Variants in GTF2F2 observed in about 807,000 individuals in gnomAD.
GTF2F2 encodes the protein general transcription factor IIF subunit 2, also known as ATP-dependent helicase GTF2F2.
A neutral mutation model predicts 42.2 loss-of-function variants in GTF2F2; 23 were observed. The observed-to-expected ratio is 0.55, with a 90% CI of 0.39 to 0.77. GTF2F2 has a LOEUF of 0.77. Ranked by LOEUF, GTF2F2 falls within the 30% of genes least tolerant of loss-of-function variation. The probability of loss-of-function intolerance (pLI) is 0.00; values close to 1 mark genes in which losing one functional copy is unlikely to be tolerated. For missense variants in GTF2F2, 261 were observed against 287.2 expected (o/e 0.91, Z 0.66); for synonymous variants, 105 against 100.8 (o/e 1.04, Z -0.25).
chr13:45,245,708 CAT>C (rs1230450097), intron 5 of GTF2F2, among the ~76,000 whole-genome samples: 5 of 66,024 alleles, frequency 7.6e-5, no homozygotes, highest in South Asian at 3.3e-4. Flanking sequence ...TATACATATA[CAT>C]ACACACACAC....
At chr13:45,171,072 T>C (rs1871574706) in intron 4 of GTF2F2, among the ~76,000 whole-genome samples, 1 of 128,466 alleles carries the variant, frequency 7.8e-6, no homozygotes, top group African/African-American at 3.4e-5. Flanking sequence ...ACCCTATCTT[T>C]TTTTTTTTTT....
At chr13:45,170,464 G>A (rs1295124211) in intron 4 of GTF2F2, among the ~76,000 whole-genome samples, 1 of 152,190 alleles carries the variant, frequency 6.6e-6, no homozygotes, top group Non-Finnish European at 1.5e-5. Flanking sequence ...GTGAATGTCA[G>A]TTGAGTCAGT....
intron 2 of GTF2F2, among the ~76,000 whole-genome samples, chr13:45,147,237 T>C (rs1044831876): frequency 2.6e-5 from 4 of 152,226 alleles, no homozygotes; most frequent in Non-Finnish European, 5.9e-5. Context: ...TTTAATGACC[T>C]GCTATGTATC....
intron 1 of GTF2F2, among the ~76,000 whole-genome samples, 159 bp downstream of exon 1, chr13:45,120,880 T>A (rs971710506): frequency 6.6e-6 from 1 of 152,224 alleles, no homozygotes; most frequent in African/African-American, 2.4e-5. Context: ...TGTATCTGTT[T>A]GCAGACGAGG....
chr13:45,212,015 G>T (rs930713708), intron 5 of GTF2F2, among the ~76,000 whole-genome samples: 3 of 151,960 alleles, frequency 2.0e-5, no homozygotes, highest in African/African-American at 7.3e-5. Flanking sequence ...CACACACACA[G>T]TTACCCTACT....
At chr13:45,167,493 G>A in intron 4 of GTF2F2, among the ~76,000 whole-genome samples, 1 of 150,008 alleles carries the variant, frequency 6.7e-6, no homozygotes. Flanking sequence ...CGCCTCCCAG[G>A]TTCAAGTGAT....
chr13:45,269,278 T>A (rs1049493104), intron 7 of GTF2F2, among the ~76,000 whole-genome samples: 1 of 152,142 alleles, frequency 6.6e-6, no homozygotes, highest in African/African-American at 2.4e-5. Context: ...ATCCTCAGTC[T>A]CCAAGGGCCA....
intron 4 of GTF2F2, among the ~76,000 whole-genome samples, chr13:45,171,262 A>G (rs2138144721): frequency 6.6e-6 from 1 of 151,926 alleles, no homozygotes; most frequent in African/African-American, 2.4e-5. Context: ...GTTTTTTAGT[A>G]GAGATGGAGT....
chr13:45,127,938 C>CTTG, intron 1 of GTF2F2, among the ~76,000 whole-genome samples: 2 of 48,598 alleles, frequency 4.1e-5, no homozygotes, highest in Admixed American at 2.8e-4. Flanking sequence ...GCACCCCGGC[C>CTTG]TTTTTTTTTT....
chr13:45,279,555 C>T (rs971656194), intron 7 of GTF2F2, among the ~76,000 whole-genome samples: 4 of 152,168 alleles, frequency 2.6e-5, no homozygotes, highest in South Asian at 4.1e-4. Flanking sequence ...GTCTTAAGCA[C>T]GCCTTATTCA....
intron 5 of GTF2F2, among the ~76,000 whole-genome samples, chr13:45,241,126 C>T (rs939006014): frequency 1.3e-5 from 2 of 151,040 alleles, no homozygotes; most frequent in African/African-American, 4.9e-5. Flanking sequence ...GACCACTGCA[C>T]TCTCCAACCT....
chr13:45,250,200 A>G (rs1023549481), intron 5 of GTF2F2, among the ~76,000 whole-genome samples: 4 of 151,670 alleles, frequency 2.6e-5, no homozygotes, highest in Non-Finnish European at 5.9e-5. Context: ...GATTGCAGGT[A>G]TGCACTACCA....
At chr13:45,258,771 CTA>C (rs1876205642) in intron 6 of GTF2F2, among the ~76,000 whole-genome samples, 3 of 152,232 alleles carry the variant, frequency 2.0e-5, no homozygotes, top group African/African-American at 4.8e-5. Flanking sequence ...ATGCTTATAT[CTA>C]TTTATAAATA....
chr13:45,149,933 C>T lies in GTF2F2; in HGVS notation c.159+145C>T, dbSNP rs1305480694. 1.2e-5 allele frequency: 8 copies of T among 663,072 alleles called. No homozygotes were observed. The Admixed American group carries it at 1.7e-4, about 14-fold the overall frequency. 41.1% of individuals were successfully genotyped at this position (663,072 alleles called of 1,614,324 possible). On this transcript the variant is annotated intron_variant, in intron 3 of 7. Coordinates refer to ENST00000340473, the MANE Select transcript of GTF2F2 (RefSeq NM_004128.3). ...AGAACACATAAAGGTATAAATGCCA[C>T]CCTTGTGTGAATGAATGGACCCTTT...
At chr13:45,234,219 TAATA>T (rs1227247660) in intron 5 of GTF2F2, among the ~76,000 whole-genome samples, 1 of 152,218 alleles carries the variant, frequency 6.6e-6, no homozygotes, top group East Asian at 1.9e-4. Flanking sequence ...GGTCCTATAA[TAATA>T]GTCATTCTGT....
chr13:45,242,176 C>T (rs1468392292), intron 5 of GTF2F2, among the ~76,000 whole-genome samples: 2 of 151,320 alleles, frequency 1.3e-5, no homozygotes, highest in African/African-American at 4.9e-5. Context: ...TAAATCAGCT[C>T]AACCCTCACC....
chr13:45,174,958 A>G (rs1871800743), intron 4 of GTF2F2, among the ~76,000 whole-genome samples: 1 of 152,172 alleles, frequency 6.6e-6, no homozygotes, highest in South Asian at 2.1e-4. Context: ...CTGTGTTGGG[A>G]ATATTAAAAA....
chr13:45,169,432 C>T (rs2138142601), intron 4 of GTF2F2, among the ~76,000 whole-genome samples: 1 of 152,272 alleles, frequency 6.6e-6, no homozygotes, highest in East Asian at 1.9e-4. Flanking sequence ...CGATCTTGGA[C>T]TTCAGCCCCC....
chr13:45,266,065 A>C (rs1221499124), intron 6 of GTF2F2, among the ~76,000 whole-genome samples: 1 of 152,234 alleles, frequency 6.6e-6, no homozygotes, highest in Non-Finnish European at 1.5e-5. Context: ...ACAATTGAAC[A>C]GTCCCAGGAT....
Sources: gnomAD v4.1 joint callset for allele counts (sites outside exome capture counted in the v4.1 genomes callset) on GRCh38, gnomAD v4.1.1 for gene constraint, MANE v1.5 for transcripts, NCBI Gene and HGNC (gene_info 2026-07-23, HGNC 2026-07-21) for gene names.